Variants in ADAMTSL1 observed in about 807,000 individuals in gnomAD.
ADAMTSL1 encodes ADAMTS-like protein 1.
Under a neutral mutation model 201.8 loss-of-function variants are expected in ADAMTSL1, and 126 were observed. The observed-to-expected ratio is 0.62, with a 90% CI of 0.54 to 0.72. The LOEUF (loss-of-function observed/expected upper bound fraction) is 0.72. Among genes scored for constraint, ADAMTSL1 ranks in the 30% least tolerant of loss-of-function variants. ADAMTSL1 has a pLI of 0.00. For missense variants in ADAMTSL1, 2,679 were observed against 2,277.8 expected (o/e 1.18, Z -3.59); for synonymous variants, 1,121 against 903.4 (o/e 1.24, Z -4.32).
intron 15 of ADAMTSL1, among the ~76,000 whole-genome samples, chr9:18,731,611 A>C (rs911333376): frequency 1.3e-5 from 2 of 152,184 alleles, no homozygotes; most frequent in African/African-American, 4.8e-5. Context: ...GCCACTCAAA[A>C]AGAAAAAAAA....
intron 15 of ADAMTSL1, among the ~76,000 whole-genome samples, chr9:18,752,793 G>T (rs1438135989): frequency 6.6e-6 from 1 of 152,178 alleles, no homozygotes; most frequent in Non-Finnish European, 1.5e-5. Flanking sequence ...AGACAGAGAC[G>T]TTTCTATGCA....
intron 20 of ADAMTSL1, among the ~76,000 whole-genome samples, chr9:18,798,303 A>C (rs1438424102): frequency 6.6e-6 from 1 of 152,120 alleles, no homozygotes; most frequent in Non-Finnish European, 1.5e-5. Flanking sequence ...TGGCTCTGTC[A>C]CTTCCTAAGT....
intron 2 of ADAMTSL1, among the ~76,000 whole-genome samples, chr9:18,247,713 C>T (rs1187498826): frequency 1.3e-5 from 2 of 151,786 alleles, no homozygotes; most frequent in African/African-American, 2.4e-5. Context: ...CCTGTGGCTA[C>T]AAAGCAGAGG....
At chr9:18,742,907 A>G (rs1056819582) in intron 15 of ADAMTSL1, among the ~76,000 whole-genome samples, 11 of 151,892 alleles carry the variant, frequency 7.2e-5, no homozygotes, top group Non-Finnish European at 1.0e-4. Context: ...AATTTCTTCT[A>G]TGATCTTGAC....
chr9:18,826,285 A>C lies in ADAMTSL1; in HGVS notation c.3936A>C (p.Gly1312=). 1.2e-6 allele frequency: 2 copies of C among 1,607,404 alleles called. No homozygotes were observed. The highest frequency in any genetic ancestry group is 1.7e-6 in the Non-Finnish European group (2 of 1,177,766). The change falls in exon 22 of 29, where the codon GGA becomes GGC. Residue 1312 remains glycine, a splice_region_variant and synonymous_variant. Coordinates refer to ENST00000380548, the MANE Select transcript of ADAMTSL1 (RefSeq NM_001040272.6). ...TTTGTTTTTTTTTTTTCTTCCTAGGAGTGCCTGAAGCTGAAGTCACTTGGT... is the reference window on the plus strand; with the variant it reads ...TTTGTTTTTTTTTTTTCTTCCTAGGCGTGCCTGAAGCTGAAGTCACTTGGT... ...VNVTINCQVA[G]VPEAEVTWFR...
intron 4 of ADAMTSL1, among the ~76,000 whole-genome samples, chr9:18,616,323 C>T (rs1825699316): frequency 6.6e-6 from 1 of 152,234 alleles, no homozygotes; most frequent in Non-Finnish European, 1.5e-5. Flanking sequence ...CCACACCCAG[C>T]ATAAAATTTG....
intron 2 of ADAMTSL1, among the ~76,000 whole-genome samples, chr9:18,439,591 T>A (rs1819906358): frequency 6.6e-6 from 1 of 152,212 alleles, no homozygotes; most frequent in African/African-American, 2.4e-5. Flanking sequence ...GGTCTCGATC[T>A]CCTGACCTCG....
intron 2 of ADAMTSL1, among the ~76,000 whole-genome samples, chr9:18,184,943 C>T (rs1205630220): frequency 6.6e-6 from 1 of 152,156 alleles, no homozygotes; most frequent in East Asian, 1.9e-4. Context: ...TCTAACTTTG[C>T]ATTTCATACT....
chr9:18,594,103 T>C (rs1004659499), intron 4 of ADAMTSL1, among the ~76,000 whole-genome samples: 1 of 152,148 alleles, frequency 6.6e-6, no homozygotes, highest in Non-Finnish European at 1.5e-5. Context: ...TCTTTAGTTC[T>C]CTTTCATTTC....
At chr9:17,973,458 A>C (rs78826742) in intron 1 of ADAMTSL1, among the ~76,000 whole-genome samples, 20,185 of 129,044 alleles carry the variant, frequency 0.16, 2,247 homozygotes, top group East Asian at 0.39. Context: ...CAGGTTTGTC[A>C]AAGATCAGAT....
chr9:18,661,810 T>C (rs897278319), intron 8 of ADAMTSL1, 125 bp from the exon 9 acceptor site: 1 of 1,061,726 alleles, frequency 9.4e-7, no homozygotes, highest in African/African-American at 1.6e-5. Context: ...TATGTGTCTT[T>C]TTTCCTGGAA....
chr9:18,774,410 T>G (rs1170305001), intron 17 of ADAMTSL1, among the ~76,000 whole-genome samples: 1 of 152,116 alleles, frequency 6.6e-6, no homozygotes, highest in Non-Finnish European at 1.5e-5. Flanking sequence ...TTGGGACTCC[T>G]ACACTGAAAT....
chr9:17,982,968 AT>A (rs1818771471), intron 1 of ADAMTSL1, among the ~76,000 whole-genome samples: 1 of 150,242 alleles, frequency 6.7e-6, no homozygotes, highest in African/African-American at 2.4e-5. Context: ...ATCCTCAGAG[AT>A]TGTGAGTTAA....
At chr9:18,252,743 A>G (rs926743625) in intron 2 of ADAMTSL1, among the ~76,000 whole-genome samples, 2 of 152,188 alleles carry the variant, frequency 1.3e-5, no homozygotes, top group South Asian at 2.1e-4. Context: ...GAGTAAAATT[A>G]TCTATTCCTG....
intron 1 of ADAMTSL1, among the ~76,000 whole-genome samples, chr9:18,064,618 C>G (rs1160440992): frequency 1.3e-5 from 2 of 151,956 alleles, no homozygotes; most frequent in Non-Finnish European, 2.9e-5. Context: ...TAACATAAAC[C>G]TAATACATGA....
chr9:18,757,148 C>T (rs1819818351), intron 16 of ADAMTSL1, among the ~76,000 whole-genome samples: 1 of 152,194 alleles, frequency 6.6e-6, no homozygotes, highest in Non-Finnish European at 1.5e-5. Context: ...CCTCTCTGGT[C>T]TGTGGGAAGG....
At chr9:18,637,686 T>TATA (rs1331897780) in intron 6 of ADAMTSL1, among the ~76,000 whole-genome samples, 1 of 152,148 alleles carries the variant, frequency 6.6e-6, no homozygotes, top group Non-Finnish European at 1.5e-5. Context: ...GTATTTGAAA[T>TATA]ATAATTCAGC....
intron 1 of ADAMTSL1, among the ~76,000 whole-genome samples, chr9:17,930,457 T>G: frequency 6.6e-6 from 1 of 152,094 alleles, no homozygotes; most frequent in Non-Finnish European, 1.5e-5. Flanking sequence ...CTCTTGTCCC[T>G]CCACAAGAAA....
intron 17 of ADAMTSL1, among the ~76,000 whole-genome samples, chr9:18,772,515 T>G (rs775102922): frequency 6.6e-6 from 1 of 152,218 alleles, no homozygotes; most frequent in Non-Finnish European, 1.5e-5. Context: ...CAGGCAAACC[T>G]AGGTTCAAAT....
Sources: gnomAD v4.1 joint callset for allele counts (sites outside exome capture counted in the v4.1 genomes callset) on GRCh38, gnomAD v4.1.1 for gene constraint, MANE v1.5 for transcripts, NCBI Gene and HGNC (gene_info 2026-07-23, HGNC 2026-07-21) for gene names.